DLGAP1: variants seen among roughly 807,000 people sequenced by gnomAD.
The protein encoded by DLGAP1 is disks large-associated protein 1.
DLGAP1 carries 11 observed loss-of-function variants against 90.8 expected under a neutral mutation model. The ratio of observed to expected loss-of-function variants is 0.12; its 90% CI spans 0.08 to 0.20. The LOEUF is 0.20. Among genes scored for constraint, DLGAP1 ranks in the 10% least tolerant of loss-of-function variants. The probability of loss-of-function intolerance (pLI) is 1.00; values close to 1 mark genes in which losing one functional copy is unlikely to be tolerated. For missense variants in DLGAP1, 1,050 were observed against 1,333.8 expected, an observed-to-expected ratio of 0.79 and a Z score of 3.31; for synonymous variants, 558 against 540.7, an observed-to-expected ratio of 1.03 and a Z score of -0.44.
chr18:4,426,233 C>T (rs546949988), intron 1 of DLGAP1, among the ~76,000 whole-genome samples: 2 of 152,314 alleles, frequency 1.3e-5, no homozygotes, highest in African/African-American at 4.8e-5. Flanking sequence ...CCCATCTCCA[C>T]ACCCTTAGTG....
At chr18:4,146,041 T>C (rs1444463967) in intron 2 of DLGAP1, among the ~76,000 whole-genome samples, 2 of 152,220 alleles carry the variant, frequency 1.3e-5, no homozygotes, top group African/African-American at 4.8e-5. Context: ...ATGGATACAT[T>C]TTCTAAAGTG....
intron 2 of DLGAP1, among the ~76,000 whole-genome samples, chr18:4,105,388 TTAA>T (rs1429005991): frequency 6.6e-6 from 1 of 152,200 alleles, no homozygotes; most frequent in African/African-American, 2.4e-5. Context: ...CCAATGTAAC[TTAA>T]TAATATCAAA....
intron 7 of DLGAP1, among the ~76,000 whole-genome samples, chr18:3,672,489 A>G (rs12963268): frequency 0.29 from 43,449 of 148,832 alleles, 7,112 homozygotes; most frequent in East Asian, 0.63. Flanking sequence ...AGGCTGGAGA[A>G]TCGCTTGAAC....
chr18:3,557,870 T>G (rs1451046824), intron 9 of DLGAP1, among the ~76,000 whole-genome samples: 1 of 151,258 alleles, frequency 6.6e-6, no homozygotes, highest in Non-Finnish European at 1.5e-5. Context: ...GAGGTTGCAG[T>G]GAGCCAAGAT....
intron 4 of DLGAP1, among the ~76,000 whole-genome samples, chr18:3,840,953 C>A (rs2068681968): frequency 6.6e-6 from 1 of 152,174 alleles, no homozygotes; most frequent in Admixed American, 6.6e-5. Flanking sequence ...ATTAAAGGAA[C>A]CTAAAAACTC....
At chr18:4,167,495 G>C (rs1455479402) in intron 1 of DLGAP1, among the ~76,000 whole-genome samples, 1 of 152,122 alleles carries the variant, frequency 6.6e-6, no homozygotes, top group African/African-American at 2.4e-5. Context: ...AAACTTGAAA[G>C]AAATTTCACC....
chr18:4,120,188 CT>C (rs1598433414), intron 2 of DLGAP1, among the ~76,000 whole-genome samples: 1 of 152,124 alleles, frequency 6.6e-6, no homozygotes, highest in Admixed American at 6.5e-5. Flanking sequence ...TTGAAAAACA[CT>C]TATAAAGCTC....
At position 4,432,757 on chromosome 18, in the gene DLGAP1, C is replaced by T. The variant is rs114217737; in HGVS notation, c.-267+22249G>A. Reference sequence around the variant, plus strand: ...TCTTTGCACTCTTAATCAACACCTCCCTATTGCACTCCCCTCTCTATGCCC... The same window carrying T: ...TCTTTGCACTCTTAATCAACACCTCTCTATTGCACTCCCCTCTCTATGCCC... On this transcript the variant is annotated intron_variant, in intron 1 of 12. Coordinates refer to ENST00000315677, the MANE Select transcript of DLGAP1 (RefSeq NM_004746.4). 9.3e-4 allele frequency among the ~76,000 whole-genome samples: 141 copies of T among 152,188 alleles called. 1 individual carries two copies. Among genetic ancestry groups the T allele is most frequent in the African/African-American group, 3.2e-3 (133 of 41,522 alleles).
At chr18:3,932,555 C>G (rs1256010328) in intron 3 of DLGAP1, among the ~76,000 whole-genome samples, 3 of 152,096 alleles carry the variant, frequency 2.0e-5, no homozygotes, top group African/African-American at 7.2e-5. Context: ...CCCACGTGGC[C>G]AAAGGGGGTG....
intron 7 of DLGAP1, among the ~76,000 whole-genome samples, chr18:3,652,803 C>T (rs1287474233): frequency 6.6e-6 from 1 of 152,202 alleles, no homozygotes; most frequent in Admixed American, 6.5e-5. Flanking sequence ...ATAAACAAAT[C>T]GCCTTGCAGA....
chr18:4,320,557 C>T (rs553991228), intron 1 of DLGAP1, among the ~76,000 whole-genome samples: 17 of 152,180 alleles, frequency 1.1e-4, no homozygotes, highest in African/African-American at 3.6e-4. Context: ...ATGTGAAACA[C>T]GGAACTGTAT....
intron 3 of DLGAP1, among the ~76,000 whole-genome samples, chr18:3,958,833 G>A (rs2073136181): frequency 6.6e-6 from 1 of 152,186 alleles, no homozygotes; most frequent in Non-Finnish European, 1.5e-5. Flanking sequence ...ACTTTAGTCT[G>A]TGGTGCCAGA....
intron 1 of DLGAP1, among the ~76,000 whole-genome samples, chr18:4,439,851 G>C (rs1479431559): frequency 3.3e-5 from 5 of 152,078 alleles, no homozygotes; most frequent in Admixed American, 3.3e-4. Context: ...GGGCGCAGTG[G>C]CTCACGCCTG....
intron 2 of DLGAP1, among the ~76,000 whole-genome samples, chr18:4,118,215 C>T (rs1001070592): frequency 9.2e-5 from 14 of 151,964 alleles, no homozygotes; most frequent in African/African-American, 3.1e-4. Flanking sequence ...CCAAATAAAG[C>T]CAGCCCCTGC....
chr18:4,408,643 G>T (rs2082713728), intron 1 of DLGAP1, among the ~76,000 whole-genome samples: 1 of 151,792 alleles, frequency 6.6e-6, no homozygotes, highest in African/African-American at 2.4e-5. Context: ...AATTAAGAAT[G>T]AACAAAACAA....
chr18:3,755,801 C>T lies in DLGAP1; in HGVS notation c.1173-13289G>A, dbSNP rs903818936. Among the ~76,000 whole-genome samples, 11 of 152,160 alleles carry T rather than the reference C, an allele frequency of 7.2e-5. 1 individual carries two copies. In the South Asian group the frequency reaches 1.2e-3, roughly 17 times the overall value. On this transcript the variant is annotated intron_variant, in intron 5 of 12. Transcript: ENST00000315677. ...AAGGAAACCGAAGACCTCGAAGACA[C>T]TATCAACCAAACAGAACTAACGGAT... is the stretch of plus-strand genomic sequence containing the variant.
At chr18:4,025,426 C>CA (rs1056287733) in intron 2 of DLGAP1, among the ~76,000 whole-genome samples, 2 of 151,806 alleles carry the variant, frequency 1.3e-5, no homozygotes, top group Admixed American at 6.6e-5. Context: ...TTCCAAAACC[C>CA]AAAAAAATCT....
chr18:4,190,942 A>G (rs955723098), intron 1 of DLGAP1, among the ~76,000 whole-genome samples: 1 of 152,180 alleles, frequency 6.6e-6, no homozygotes, highest in African/African-American at 2.4e-5. Flanking sequence ...TTCCAAGTAT[A>G]ATAATCTTAT....
chr18:4,208,534 T>C (rs549514175), intron 1 of DLGAP1, among the ~76,000 whole-genome samples: 5 of 152,294 alleles, frequency 3.3e-5, no homozygotes, highest in South Asian at 4.1e-4. Context: ...CAGTAACATA[T>C]GTTGTTGAAA....
Sources: allele counts gnomAD v4.1 joint callset (sites outside exome capture counted in the v4.1 genomes callset), GRCh38; gene constraint gnomAD v4.1.1; transcripts MANE v1.5; gene names NCBI Gene and HGNC (gene_info 2026-07-23, HGNC 2026-07-21).